EEPD1: variants seen among roughly 807,000 people sequenced by gnomAD.
The protein encoded by EEPD1 is endonuclease/exonuclease/phosphatase family domain-containing protein 1.
In EEPD1, 17 loss-of-function variants were observed where a neutral mutation model predicts 46.3. That is an observed-to-expected ratio of 0.37 (90% confidence interval 0.25 to 0.55). EEPD1 has a LOEUF of 0.55. Ranked by LOEUF, EEPD1 falls within the 20% of genes least tolerant of loss-of-function variation. EEPD1 has a pLI of 0.83. For missense variants in EEPD1, 673 were observed against 745.6 expected (o/e 0.90, Z 1.13); for synonymous variants, 313 against 315.6 (o/e 0.99, Z 0.09).
chr7:36,165,455 T>C (rs536836299), intron 2 of EEPD1, among the ~76,000 whole-genome samples: 115 of 136,052 alleles, frequency 8.5e-4, no homozygotes, highest in African/African-American at 3.0e-3. Flanking sequence ...AGCCTTGCTC[T>C]GTCACCCAGG....
At chr7:36,220,071 G>A (rs574189985) in intron 2 of EEPD1, among the ~76,000 whole-genome samples, 3 of 152,228 alleles carry the variant, frequency 2.0e-5, no homozygotes, top group East Asian at 1.9e-4. Context: ...AGGTGAGGTC[G>A]TGGAGGATGG....
intron 3 of EEPD1, among the ~76,000 whole-genome samples, chr7:36,279,324 T>A (rs190954943): frequency 5.8e-4 from 89 of 152,272 alleles, no homozygotes; most frequent in African/African-American, 1.9e-3. Flanking sequence ...CATGACTAAC[T>A]GTAAAAGCAG....
At chr7:36,202,009 A>G (rs1159831302) in intron 2 of EEPD1, among the ~76,000 whole-genome samples, 4 of 152,180 alleles carry the variant, frequency 2.6e-5, no homozygotes, top group Non-Finnish European at 5.9e-5. Context: ...TTGGAAATGC[A>G]GAATCTCGGG....
intron 2 of EEPD1, among the ~76,000 whole-genome samples, chr7:36,165,200 TA>T (rs947706688): frequency 6.6e-6 from 1 of 152,196 alleles, no homozygotes; most frequent in African/African-American, 2.4e-5. Context: ...GCAAGTGCCC[TA>T]CACAGTTGTA....
At chr7:36,155,985 C>T (rs1158772739) in intron 2 of EEPD1, among the ~76,000 whole-genome samples, 1 of 152,184 alleles carries the variant, frequency 6.6e-6, no homozygotes, top group Non-Finnish European at 1.5e-5. Flanking sequence ...GCAGTAACTC[C>T]TGCTGTTAGT....
At chr7:36,216,572 T>A (rs1315664702) in intron 2 of EEPD1, among the ~76,000 whole-genome samples, 1 of 152,240 alleles carries the variant, frequency 6.6e-6, no homozygotes, top group South Asian at 2.1e-4. Flanking sequence ...CTGGCACACC[T>A]GGGAAGGTAT....
chr7:36,237,606 C>A (rs1392364629), intron 2 of EEPD1, among the ~76,000 whole-genome samples: 2 of 152,074 alleles, frequency 1.3e-5, no homozygotes, highest in Admixed American at 6.6e-5. Flanking sequence ...GAATTTGGGG[C>A]AAGTCTATAA....
chr7:36,194,658 TAGG>T (rs1323096092), intron 2 of EEPD1, among the ~76,000 whole-genome samples: 1 of 152,072 alleles, frequency 6.6e-6, no homozygotes, highest in Non-Finnish European at 1.5e-5. Context: ...CTCTACAACC[TAGG>T]AGGAGTCCCA....
At chr7:36,268,367 T>C (rs1787055965) in intron 3 of EEPD1, among the ~76,000 whole-genome samples, 1 of 152,050 alleles carries the variant, frequency 6.6e-6, no homozygotes, top group African/African-American at 2.4e-5. Flanking sequence ...CACCATCTTG[T>C]CCAGGCTGGT....
intron 2 of EEPD1, among the ~76,000 whole-genome samples, chr7:36,192,699 A>AT (rs966660016): frequency 6.6e-6 from 1 of 151,994 alleles, no homozygotes; most frequent in East Asian, 1.9e-4. Context: ...CTCCCCTTAC[A>AT]TTTTTTTTAA....
intron 5 of EEPD1, among the ~76,000 whole-genome samples, chr7:36,286,519 C>T (rs922529249): frequency 6.6e-6 from 1 of 152,238 alleles, no homozygotes; most frequent in Non-Finnish European, 1.5e-5. Context: ...CCCTGAGCAG[C>T]TGAGCAGTGC....
intron 2 of EEPD1, among the ~76,000 whole-genome samples, chr7:36,214,189 C>T (rs9785007): frequency 0.039 from 5,943 of 152,178 alleles, 391 homozygotes; most frequent in African/African-American, 0.14. Flanking sequence ...CAGGTGGGTT[C>T]ACTGGTCTTG....
At chr7:36,210,788 C>G (rs1785914685) in intron 2 of EEPD1, among the ~76,000 whole-genome samples, 1 of 152,234 alleles carries the variant, frequency 6.6e-6, no homozygotes, top group Non-Finnish European at 1.5e-5. Context: ...CTTGTGGCCT[C>G]TGCTCAAATG....
At chr7:36,183,888 T>TTTTTTTTTTTTTTTTTTTTG (rs3053348) in intron 2 of EEPD1, among the ~76,000 whole-genome samples, 12 of 135,400 alleles carry the variant, frequency 8.9e-5, no homozygotes, top group African/African-American at 1.6e-4. Flanking sequence ...TTTTTTTTTT[T>TTTTTTTTTTTTTTTTTTTTG]ATTTTTAAAA....
chr7:36,263,755 C>T (rs1786968366), intron 3 of EEPD1, among the ~76,000 whole-genome samples: 1 of 152,202 alleles, frequency 6.6e-6, no homozygotes, highest in African/African-American at 2.4e-5. Flanking sequence ...TATAGCTCAC[C>T]TCTAGCAGGT....
chr7:36,164,702 G>A (rs1484720746), intron 2 of EEPD1, among the ~76,000 whole-genome samples: 2 of 152,194 alleles, frequency 1.3e-5, no homozygotes, highest in Admixed American at 1.3e-4. Context: ...CAAGCACTGA[G>A]TAATATTTTG....
In EEPD1 at chr7:36,281,168, G is replaced by T. The variant is rs753687138; in HGVS notation, c.984G>T (p.Gly328=). ...TGCCCAACATCCGCAAGTGGAAGGGGCCCCGGGGATGCTGGAAGGCTGTTG... is the reference window on the plus strand; with the variant it reads ...TGCCCAACATCCGCAAGTGGAAGGGTCCCCGGGGATGCTGGAAGGCTGTTG... ...PTLPNIRKWK[G]PRGCWKAVVA... is the part of the protein sequence containing the mutation. Residue 328 remains glycine (G), a synonymous_variant, in exon 4 of 8, where the codon GGG becomes GGT. Coordinates refer to ENST00000242108, the MANE Select transcript of EEPD1 (RefSeq NM_030636.3). 1 of 1,614,174 alleles carries T rather than the reference G, an allele frequency of 6.2e-7. No homozygotes were observed. Among genetic ancestry groups the T allele is most frequent in the South Asian group, 1.1e-5 (1 of 91,086 alleles).
At chr7:36,155,329 G>A in intron 2 of EEPD1, 127 bp downstream of exon 2, 1 of 1,172,010 alleles carries the variant, frequency 8.5e-7, no homozygotes, top group East Asian at 2.8e-5. Flanking sequence ...CAATGTTCTT[G>A]AAGCCTCAGC....
chr7:36,268,605 G>A (rs2115844625), intron 3 of EEPD1, among the ~76,000 whole-genome samples: 1 of 152,218 alleles, frequency 6.6e-6, no homozygotes, highest in South Asian at 2.1e-4. Flanking sequence ...CTGGCTCCTG[G>A]CCCCAACCGT....
Sources: gnomAD v4.1 joint callset for allele counts (sites outside exome capture counted in the v4.1 genomes callset) on GRCh38, gnomAD v4.1.1 for gene constraint, MANE v1.5 for transcripts, NCBI Gene and HGNC (gene_info 2026-07-23, HGNC 2026-07-21) for gene names.